The following MTFR1 variants were observed in gnomAD, a reference collection of about 807,000 sequenced individuals.
The protein encoded by MTFR1 is chondrocyte protein with a poly-proline region.
MTFR1 carries 28 observed loss-of-function variants against 38.8 expected under a neutral mutation model. The observed-to-expected ratio is 0.72, with a 90% CI of 0.53 to 0.99. The LOEUF (loss-of-function observed/expected upper bound fraction) is 0.99, where lower values mean the gene tolerates loss of function less well. Among genes scored for constraint, MTFR1 ranks in the 50% least tolerant of loss-of-function variants. The probability of loss-of-function intolerance (pLI) is 0.00; values close to 1 mark genes in which losing one functional copy is unlikely to be tolerated. For synonymous variants in MTFR1, 145 were observed against 137.0 expected (o/e 1.06, Z -0.41); for missense variants, 358 against 395.5 (o/e 0.91, Z 0.81).
At chr8:65,648,156 A>G (rs1212378692) in intron 1 of MTFR1, among the ~76,000 whole-genome samples, 2 of 151,866 alleles carry the variant, frequency 1.3e-5, no homozygotes. Flanking sequence ...AGCTGGGACT[A>G]CAGGCGCCCG....
At chr8:65,750,502 GTC>G (rs1380025842) in intron 3 of MTFR1, among the ~76,000 whole-genome samples, 8,077 of 143,536 alleles carry the variant, frequency 0.056, 263 homozygotes, top group African/African-American at 0.095. Context: ...GTGTGTGTGT[GTC>G]TGTGTGTGTC....
At chr8:65,732,912 G>A (rs1346788319) in intron 3 of MTFR1, among the ~76,000 whole-genome samples, 1 of 151,692 alleles carries the variant, frequency 6.6e-6, no homozygotes, top group Non-Finnish European at 1.5e-5. Flanking sequence ...GTCTTGCTAT[G>A]TTGACCAGGC....
At chr8:65,690,399 G>A (rs1336194201) in intron 3 of MTFR1, among the ~76,000 whole-genome samples, 3 of 152,006 alleles carry the variant, frequency 2.0e-5, no homozygotes, top group Non-Finnish European at 4.4e-5. Flanking sequence ...TGAGCCAGGT[G>A]TCGTGGTGTG....
chr8:65,651,021 G>A (rs971859107), intron 1 of MTFR1, among the ~76,000 whole-genome samples: 1 of 152,142 alleles, frequency 6.6e-6, no homozygotes, highest in Non-Finnish European at 1.5e-5. Context: ...GTATGTCATT[G>A]TAGTTTTGAT....
chr8:65,748,108 T>A (rs1391851017), intron 3 of MTFR1, among the ~76,000 whole-genome samples: 1 of 151,850 alleles, frequency 6.6e-6, no homozygotes, highest in African/African-American at 2.4e-5. Context: ...TTTTTTTTTT[T>A]AACTTTAAAA....
At chr8:65,676,275 T>TA (rs1804705351) in intron 2 of MTFR1, among the ~76,000 whole-genome samples, 1 of 152,248 alleles carries the variant, frequency 6.6e-6, no homozygotes, top group Non-Finnish European at 1.5e-5. Context: ...AAGTAACACA[T>TA]ACACAATTTT....
chr8:65,701,176 A>G (rs1805604355), intron 4 of MTFR1, among the ~76,000 whole-genome samples: 1 of 152,216 alleles, frequency 6.6e-6, no homozygotes, highest in South Asian at 2.1e-4. Context: ...TAAATATTGA[A>G]GCCCTCAAAA....
chr8:65,689,528 A>G (rs776627959), intron 3 of MTFR1: 96 of 1,218,338 alleles, frequency 7.9e-5, no homozygotes, highest in African/African-American at 4.7e-4. Flanking sequence ...AAAAATTTCT[A>G]TCTCTTCACT....
At chr8:65,670,100 A>G (rs1001349580) in intron 2 of MTFR1, 82 bp downstream of exon 2, 35 of 1,179,186 alleles carry the variant, frequency 3.0e-5, no homozygotes, top group East Asian at 4.9e-5. Context: ...ATAAATCTAT[A>G]TATGACCAAC....
At chr8:65,699,205 G>A (rs1563454899) in intron 4 of MTFR1, among the ~76,000 whole-genome samples, 1 of 152,144 alleles carries the variant, frequency 6.6e-6, no homozygotes, top group African/African-American at 2.4e-5. Context: ...GTATTCCATG[G>A]TGTCTATCTA....
chr8:65,725,013 A>G, intron 3 of MTFR1: 1 of 686,462 alleles, frequency 1.5e-6, no homozygotes, highest in South Asian at 3.3e-5. Flanking sequence ...GGAAGGCTTT[A>G]TAGAACCCTA....
At chr8:65,697,765 C>T (rs938573308) in intron 4 of MTFR1, among the ~76,000 whole-genome samples, 3 of 152,178 alleles carry the variant, frequency 2.0e-5, no homozygotes, top group East Asian at 3.8e-4. Context: ...AGTTTCTCTG[C>T]GTTATTTCCT....
intron 3 of MTFR1, among the ~76,000 whole-genome samples, chr8:65,765,319 C>A (rs1808717468): frequency 6.6e-6 from 1 of 150,592 alleles, no homozygotes. Flanking sequence ...GAAACCCCGT[C>A]TCTACTAAAA....
At chr8:65,676,403 T>G (rs1037487513) in intron 2 of MTFR1, among the ~76,000 whole-genome samples, 1 of 152,194 alleles carries the variant, frequency 6.6e-6, no homozygotes, top group Non-Finnish European at 1.5e-5. Context: ...TCTTGTTGTG[T>G]CCCAGGCTGG....
chr8:65,682,271 C>A, intron 2 of MTFR1, 82 bp from the exon 3 acceptor site: 2 of 578,314 alleles, frequency 3.5e-6, no homozygotes, highest in Non-Finnish European at 2.9e-6. Flanking sequence ...GTTAGTATGT[C>A]ATACAAATAA....
intron 1 of MTFR1, among the ~76,000 whole-genome samples, chr8:65,653,797 G>C (rs1809184702): frequency 6.6e-6 from 1 of 152,070 alleles, no homozygotes. Flanking sequence ...GGGTATGGTG[G>C]CTCATGCCTG....
intron 3 of MTFR1, among the ~76,000 whole-genome samples, chr8:65,762,524 A>G (rs1808552125): frequency 6.6e-6 from 1 of 152,192 alleles, no homozygotes; most frequent in Admixed American, 6.5e-5. Context: ...GTTCTGTGAC[A>G]TTAAACAGGT....
At chr8:65,764,041 G>GT (rs966526380) in intron 3 of MTFR1, among the ~76,000 whole-genome samples, 3 of 152,174 alleles carry the variant, frequency 2.0e-5, no homozygotes, top group Admixed American at 1.3e-4. Context: ...CTAGGTGAAA[G>GT]TTTTTTTAAA....
intron 1 of MTFR1, among the ~76,000 whole-genome samples, chr8:65,653,896 C>G (rs1809187288): frequency 6.6e-6 from 1 of 151,940 alleles, no homozygotes; most frequent in Non-Finnish European, 1.5e-5. Flanking sequence ...GAGACCCCAT[C>G]TCTACAAAAA....
Sources: gnomAD v4.1 joint callset for allele counts (sites outside exome capture counted in the v4.1 genomes callset) on GRCh38, gnomAD v4.1.1 for gene constraint, MANE v1.5 for transcripts, NCBI Gene and HGNC (gene_info 2026-07-23, HGNC 2026-07-21) for gene names.